The following NRXN1 variants were observed in gnomAD, a reference collection of about 807,000 sequenced individuals.
The protein encoded by NRXN1 is neurexin 1.
In NRXN1, 39 loss-of-function variants were observed where a neutral mutation model predicts 150.9. The observed-to-expected ratio is 0.26, with a 90% CI of 0.20 to 0.34. The LOEUF is 0.34. Among genes scored for constraint, NRXN1 ranks in the 10% least tolerant of loss-of-function variants. NRXN1 has a pLI of 1.00. For missense variants in NRXN1, 1,815 were observed against 1,949.9 expected, an observed-to-expected ratio of 0.93 and a Z score of 1.30; for synonymous variants, 924 against 757.0, an observed-to-expected ratio of 1.22 and a Z score of -3.62.
chr2:50,131,987 T>TGTGTGAGCA (rs1291829035), intron 18 of NRXN1, among the ~76,000 whole-genome samples: 6 of 152,212 alleles, frequency 3.9e-5, no homozygotes, highest in African/African-American at 1.4e-4. Flanking sequence ...TGTGTATGTG[T>TGTGTGAGCA]GTGTGAGCAG....
At chr2:50,759,536 A>G (rs1489395597) in intron 5 of NRXN1, among the ~76,000 whole-genome samples, 2 of 151,946 alleles carry the variant, frequency 1.3e-5, no homozygotes, top group Non-Finnish European at 2.9e-5. Flanking sequence ...AATAATCAAG[A>G]ATTTTATAAG....
At chr2:50,594,515 A>G (rs1411017848) in intron 8 of NRXN1, among the ~76,000 whole-genome samples, 3 of 152,152 alleles carry the variant, frequency 2.0e-5, no homozygotes, top group African/African-American at 7.2e-5. Context: ...AGACCTCCTG[A>G]TAACTTTATT....
intron 3 of NRXN1, among the ~76,000 whole-genome samples, chr2:50,924,983 T>C (rs1266657058): frequency 6.6e-6 from 1 of 151,820 alleles, no homozygotes; most frequent in African/African-American, 2.4e-5. Flanking sequence ...AGAATGACTA[T>C]ATTTCAAAAT....
chr2:50,456,541 T>C (rs1289559546), intron 17 of NRXN1, among the ~76,000 whole-genome samples: 1 of 152,144 alleles, frequency 6.6e-6, no homozygotes, highest in Non-Finnish European at 1.5e-5. Context: ...AGACACAGAA[T>C]GCTTTGTTCA....
At chr2:50,425,415 A>G (rs1349375640) in intron 17 of NRXN1, among the ~76,000 whole-genome samples, 1 of 152,158 alleles carries the variant, frequency 6.6e-6, no homozygotes, top group Non-Finnish European at 1.5e-5. Context: ...CTGTCTTACA[A>G]CTACTCTCCA....
At chr2:50,141,827 A>G (rs1333494567) in intron 18 of NRXN1, among the ~76,000 whole-genome samples, 1 of 152,104 alleles carries the variant, frequency 6.6e-6, no homozygotes. Context: ...ATGTGGAGAA[A>G]AGGCAATTCT....
chr2:50,739,281 T>C (rs1699153110), intron 5 of NRXN1: 2 of 497,046 alleles, frequency 4.0e-6, no homozygotes, highest in African/African-American at 1.9e-5. Flanking sequence ...TTAAAAAGTA[T>C]GTATTAATAT....
Position 49,921,332 on chromosome 2 carries a change from T to G in NRXN1, c.*612A>C, listed in dbSNP as rs1668158746. ...TTTTTGAAAATAAGGCCTCCATACT[T>G]TTTTTTCCTCTCTCACAACCAGAAA... On this transcript the variant is annotated 3_prime_UTR_variant, in exon 23 of 23. Transcript: ENST00000401669. 6.6e-6 allele frequency: 1 copy of G among 152,566 alleles called. No homozygotes were observed. Among genetic ancestry groups the G allele is most frequent in the South Asian group, 2.1e-4 (1 of 4,834 alleles). 9.5% of individuals were successfully genotyped at this position (152,566 alleles called of 1,614,324 possible).
intron 17 of NRXN1, among the ~76,000 whole-genome samples, chr2:50,336,833 G>A (rs921364257): frequency 1.4e-4 from 21 of 152,258 alleles, no homozygotes; most frequent in Non-Finnish European, 2.9e-4. Flanking sequence ...GAAGCCTCTC[G>A]ATGCCCTGTG....
chr2:50,935,635 G>C (rs1038242562), intron 2 of NRXN1, among the ~76,000 whole-genome samples: 1 of 152,102 alleles, frequency 6.6e-6, no homozygotes, highest in Non-Finnish European at 1.5e-5. Flanking sequence ...GCTGAGGCCG[G>C]ATAATCACTT....
chr2:50,133,421 A>G (rs1705871080), intron 18 of NRXN1, among the ~76,000 whole-genome samples: 1 of 152,190 alleles, frequency 6.6e-6, no homozygotes, highest in Non-Finnish European at 1.5e-5. Context: ...CTCCAGAGGA[A>G]ATAATTGTGC....
chr2:50,464,840 C>T (rs2088643144), intron 17 of NRXN1, among the ~76,000 whole-genome samples: 1 of 151,798 alleles, frequency 6.6e-6, no homozygotes, highest in Non-Finnish European at 1.5e-5. Context: ...ATAAATTAGG[C>T]ACTAGCAGAT....
intron 5 of NRXN1, among the ~76,000 whole-genome samples, chr2:50,627,662 G>A (rs962832583): frequency 6.6e-6 from 1 of 150,974 alleles, no homozygotes; most frequent in Non-Finnish European, 1.5e-5. Context: ...TCTGAATATG[G>A]TATTTGCAAA....
At chr2:50,612,198 C>A (rs1483955171) in intron 8 of NRXN1, among the ~76,000 whole-genome samples, 2 of 152,066 alleles carry the variant, frequency 1.3e-5, no homozygotes, top group Non-Finnish European at 1.5e-5. Context: ...ATCTCCATGT[C>A]TTCATTTGCC....
At chr2:50,304,882 G>A (rs2074473511) in intron 17 of NRXN1, among the ~76,000 whole-genome samples, 1 of 152,104 alleles carries the variant, frequency 6.6e-6, no homozygotes, top group Admixed American at 6.6e-5. Flanking sequence ...AGAAGGTCAG[G>A]AGTTCGAGAC....
At chr2:50,844,265 C>G (rs1673306673) in intron 5 of NRXN1, among the ~76,000 whole-genome samples, 1 of 152,172 alleles carries the variant, frequency 6.6e-6, no homozygotes, top group South Asian at 2.1e-4. Context: ...CCGGACGTCA[C>G]CTAAGTTTCA....
chr2:50,250,423 T>C (rs943745070), intron 17 of NRXN1, among the ~76,000 whole-genome samples: 1 of 136,536 alleles, frequency 7.3e-6, no homozygotes, highest in African/African-American at 2.8e-5. Context: ...AAATGGAAAG[T>C]CACTTTTTAA....
At chr2:50,130,486 T>C (rs915403911) in intron 18 of NRXN1, among the ~76,000 whole-genome samples, 5 of 152,136 alleles carry the variant, frequency 3.3e-5, no homozygotes, top group East Asian at 1.9e-4. Flanking sequence ...AGCAAAAGAA[T>C]TGGGGTTAAA....
chr2:49,941,777 C>A (rs1030483229), intron 22 of NRXN1, among the ~76,000 whole-genome samples: 1 of 152,124 alleles, frequency 6.6e-6, no homozygotes, highest in Non-Finnish European at 1.5e-5. Context: ...ATAACACACA[C>A]CCCAATATAC....
Sources: gnomAD v4.1 joint callset for allele counts (sites outside exome capture counted in the v4.1 genomes callset) on GRCh38, gnomAD v4.1.1 for gene constraint, MANE v1.5 for transcripts, NCBI Gene and HGNC (gene_info 2026-07-23, HGNC 2026-07-21) for gene names.